The following TMEM67 variants were observed in gnomAD, a reference collection of about 807,000 sequenced individuals.
The protein encoded by TMEM67 is meckelin.
In TMEM67, 124 loss-of-function variants were observed where a neutral mutation model predicts 136.6. That is an observed-to-expected ratio of 0.91 (90% CI 0.78 to 1.05). The LOEUF (loss-of-function observed/expected upper bound fraction) is 1.05, where lower values mean the gene tolerates loss of function less well. Ranked by LOEUF, TMEM67 falls within the 50% of genes least tolerant of loss-of-function variation. The pLI is 0.00. For synonymous variants in TMEM67, 364 were observed against 390.5 expected, an observed-to-expected ratio of 0.93 and a Z score of 0.80; for missense variants, 1,107 against 1,178.4, an observed-to-expected ratio of 0.94 and a Z score of 0.89.
intron 7 of TMEM67, among the ~76,000 whole-genome samples, chr8:93,773,840 A>G (rs1238816751): frequency 6.6e-6 from 1 of 152,114 alleles, no homozygotes; most frequent in Non-Finnish European, 1.5e-5. Context: ...ATGTCATGCT[A>G]TGAGTTTTTC....
Position 93,815,447 on chromosome 8 carries a change from G to A in TMEM67, c.2907G>A (p.Glu969=). Residue 969 remains glutamate (E), a splice_region_variant and synonymous_variant, in exon 27 of 28, where the codon GAG becomes GAA. Transcript: ENST00000453321. ...CCTTCCTTACATATCTACAACAAGA[G>A]GTAAACTTTTAAAATTTTTCTACAT... The part of the protein sequence containing the change: ...LASFLTYLQQ[E]IFRYIRNTVG... The A allele has an allele frequency of 1.2e-6, 2 of 1,611,240 alleles. No individual in the cohort carries two copies. Among genetic ancestry groups the A allele is most frequent in the South Asian group, 1.1e-5 (1 of 90,474 alleles).
Position 93,763,891 on chromosome 8 carries a change from CTG to C in TMEM67, c.459_460del (p.Cys153Ter). The stretch of plus-strand genomic sequence containing the variant: ...TGTTGTCTCAAGCAACTTGTGAGCT[CTG>C]TGATGGAAATGAAAACTCTTTTATG... The part of the protein sequence containing the change: ...TLLSQATCEL[C>X]DGNENSFMVV... On this transcript the variant is annotated frameshift_variant, in exon 4 of 28. Coordinates refer to ENST00000453321, the MANE Select transcript of TMEM67 (RefSeq NM_153704.6). LOFTEE classifies it high-confidence loss of function. 6.2e-7 allele frequency: 1 copy of C among 1,613,920 alleles called. No homozygotes were observed. The highest frequency in any genetic ancestry group is 8.5e-7 in the Non-Finnish European group (1 of 1,179,904).
chr8:93,829,176 G>T, the TMEM67 span, among the ~76,000 whole-genome samples: 1 of 152,040 alleles, frequency 6.6e-6, no homozygotes, highest in Admixed American at 6.6e-5. Flanking sequence ...TCTTCTTTGC[G>T]GTAGTACACC....
chr8:93,806,602 G>GA (rs777314333), intron 23 of TMEM67, among the ~76,000 whole-genome samples: 4 of 152,006 alleles, frequency 2.6e-5, no homozygotes, highest in Non-Finnish European at 4.4e-5. Flanking sequence ...TGCTTAAGTG[G>GA]AAAAAACAAG....
chr8:93,758,067 G>T (rs58583073), intron 2 of TMEM67, among the ~76,000 whole-genome samples: 2,785 of 152,208 alleles, frequency 0.018, 86 homozygotes, highest in African/African-American at 0.061. Context: ...AAATTTTTTA[G>T]GTATTTGAAT....
At chr8:93,805,496 G>T (rs1586084191) in intron 23 of TMEM67, among the ~76,000 whole-genome samples, 1 of 151,516 alleles carries the variant, frequency 6.6e-6, no homozygotes, top group Admixed American at 6.6e-5. Context: ...AGGCAGAATG[G>T]CATGAACCTG....
intron 26 of TMEM67, among the ~76,000 whole-genome samples, chr8:93,814,775 C>T (rs1339246821): frequency 6.6e-6 from 1 of 151,982 alleles, no homozygotes; most frequent in African/African-American, 2.4e-5. Flanking sequence ...GCATGAGCCA[C>T]TGTGCCCGGC....
intron 25 of TMEM67, among the ~76,000 whole-genome samples, 170 bp from the exon 26 acceptor site, chr8:93,809,615 T>A (rs1030854912): frequency 1.3e-5 from 2 of 152,234 alleles, no homozygotes; most frequent in Non-Finnish European, 2.9e-5. Context: ...AAAACATTCC[T>A]GTAGAGAATT....
chr8:93,799,902 T>TTA, intron 21 of TMEM67, 144 bp downstream of exon 21: 8 of 573,558 alleles, frequency 1.4e-5, no homozygotes, highest in East Asian at 3.3e-5. Context: ...TAATGGTCAG[T>TTA]TCTTTTTTTT....
At position 93,803,640 on chromosome 8, in the gene TMEM67, G is replaced by C. The variant is rs1166437802; in HGVS notation, c.2278G>C (p.Glu760Gln). The change falls in exon 22 of 28, where the codon GAA becomes CAA. Residue 760 changes from glutamate to glutamine, a missense_variant. Coordinates refer to ENST00000453321, the MANE Select transcript of TMEM67 (RefSeq NM_153704.6). The part of the protein sequence containing the change: ...FFAVFYERFI[E>Q]DKIRQFVDLC... ...TGCTGTCTTTTATGAGAGATTTATA[G>C]AAGATAAAATTCGACAGTTCGTTGA... 3.7e-6 allele frequency: 6 copies of C among 1,605,228 alleles called. No homozygotes were observed. Among genetic ancestry groups the C allele is most frequent in the Admixed American group, 1.7e-5 (1 of 59,974 alleles).
chr8:93,755,911 A>G (rs762336106), intron 2 of TMEM67, 45 bp downstream of exon 2: 2 of 1,028,948 alleles, frequency 1.9e-6, no homozygotes, highest in South Asian at 2.8e-5. Context: ...AAAAAGTAGT[A>G]AGTTAAATAT....
intron 6 of TMEM67, among the ~76,000 whole-genome samples, chr8:93,765,959 T>G (rs1813064874): frequency 6.6e-6 from 1 of 152,088 alleles, no homozygotes; most frequent in Non-Finnish European, 1.5e-5. Context: ...ACCCTGGATT[T>G]GCAAGTCATT....
At chr8:93,778,450 T>C (rs3097428) in intron 7 of TMEM67, among the ~76,000 whole-genome samples, 99,662 of 152,084 alleles carry the variant, frequency 0.66, 33,312 homozygotes, top group East Asian at 0.82. Context: ...TTCCTAGCAT[T>C]GATGATCTTT....
In TMEM67 at chr8:93,765,611, C is replaced by T. The variant is rs1178003501; in HGVS notation, c.616C>T (p.Leu206=). 1.2e-6 allele frequency: 2 copies of T among 1,613,378 alleles called. No individual in the cohort carries two copies. The highest frequency in any genetic ancestry group is 1.7e-6 in the Non-Finnish European group (2 of 1,179,368). Residue 206 remains leucine (L), a synonymous_variant, in exon 6 of 28, where the codon CTA becomes TTA. Transcript: ENST00000453321. ...TTTCAGCAGCACAGGGAATTTTCCT[C>T]TACGTAGAATTTCAGCTGCACGTTA... ...LCFSSTGNFP[L]RRISAARYGE...
At chr8:93,785,145 T>A in intron 11 of TMEM67, 77 bp from the exon 12 acceptor site, 5 of 902,536 alleles carry the variant, frequency 5.5e-6, no homozygotes, top group Non-Finnish European at 8.9e-6. Context: ...TCAATTGTGA[T>A]CTTTTATTTT....
chr8:93,776,951 G>C (rs188441935), intron 7 of TMEM67, among the ~76,000 whole-genome samples: 61 of 152,278 alleles, frequency 4.0e-4, no homozygotes, highest in African/African-American at 1.3e-3. Flanking sequence ...TATACCTCTG[G>C]TAGAATTCGG....
At chr8:93,807,660 A>C (rs1462808826) in intron 23 of TMEM67, among the ~76,000 whole-genome samples, 2 of 152,024 alleles carry the variant, frequency 1.3e-5, no homozygotes, top group South Asian at 2.1e-4. Context: ...AATTTTCTGC[A>C]ATGGCATGAA....
In TMEM67 at chr8:93,808,374, T is replaced by C. The variant is rs928771735; in HGVS notation, c.2440-466T>C. On this transcript the variant is annotated intron_variant, in intron 23 of 27. Coordinates refer to ENST00000453321, the MANE Select transcript of TMEM67 (RefSeq NM_153704.6). ...TTATTATAGATATATATTTATCTAC[T>C]ATAAATATTTATATATTATATATAA... 3.9e-4 allele frequency among the ~76,000 whole-genome samples: 42 copies of C among 106,858 alleles called. No homozygotes were observed. In the Admixed American group the frequency reaches 4.0e-3, roughly 10 times the overall value. The allele number at this position is 106,858 out of a possible 152,430, so 70.1% of individuals were successfully genotyped here. A position where few individuals can be genotyped will look rare whatever the true frequency, so the allele number is the denominator to read the frequency against.
intron 26 of TMEM67, among the ~76,000 whole-genome samples, chr8:93,813,629 G>A (rs1206816806): frequency 6.6e-6 from 1 of 152,232 alleles, no homozygotes; most frequent in Non-Finnish European, 1.5e-5. Flanking sequence ...TAAGTGGGTG[G>A]TGGTGCTTTT....
Sources: allele counts gnomAD v4.1 joint callset (sites outside exome capture counted in the v4.1 genomes callset), GRCh38; gene constraint gnomAD v4.1.1; transcripts MANE v1.5; gene names NCBI Gene and HGNC (gene_info 2026-07-23, HGNC 2026-07-21).